The following ERBB4 variants were observed in gnomAD, a reference collection of about 807,000 sequenced individuals.
ERBB4 encodes receptor tyrosine-protein kinase erbB-4.
Under a neutral mutation model 158.0 loss-of-function variants are expected in ERBB4, and 42 were observed. That is an observed-to-expected ratio of 0.27 (90% CI 0.21 to 0.34). The LOEUF (loss-of-function observed/expected upper bound fraction) is 0.34. Ranked by LOEUF, ERBB4 falls within the 10% of genes least tolerant of loss-of-function variation. ERBB4 has a pLI of 1.00. For missense variants in ERBB4, 1,333 were observed against 1,624.1 expected (o/e 0.82, Z 3.08); for synonymous variants, 583 against 558.7 (o/e 1.04, Z -0.61).
intron 2 of ERBB4, among the ~76,000 whole-genome samples, chr2:212,085,141 C>T (rs1205701867): frequency 1.3e-5 from 2 of 151,848 alleles, no homozygotes; most frequent in Non-Finnish European, 2.9e-5. Flanking sequence ...AATGTGCATG[C>T]CCTCTTGGTG....
At chr2:212,435,074 T>C (rs535970041) in intron 1 of ERBB4, among the ~76,000 whole-genome samples, 1 of 151,988 alleles carries the variant, frequency 6.6e-6, no homozygotes, top group African/African-American at 2.4e-5. Context: ...AAAGAAACAA[T>C]TTCATTTCTA....
intron 1 of ERBB4, among the ~76,000 whole-genome samples, chr2:212,183,868 A>G (rs909962605): frequency 6.6e-6 from 1 of 152,128 alleles, no homozygotes; most frequent in Non-Finnish European, 1.5e-5. Context: ...ATTTTTCCAA[A>G]GATATTTTTA....
chr2:211,459,890 T>C (rs562635117), intron 20 of ERBB4, among the ~76,000 whole-genome samples: 1 of 152,236 alleles, frequency 6.6e-6, no homozygotes, highest in East Asian at 1.9e-4. Context: ...ATAATAAATA[T>C]ATACACACAT....
intron 20 of ERBB4, among the ~76,000 whole-genome samples, chr2:211,522,170 A>G (rs1365660712): frequency 6.6e-6 from 1 of 152,186 alleles, no homozygotes. Flanking sequence ...TCTTCTGAAA[A>G]GGATTCACCA....
chr2:212,211,243 C>T (rs952710930), intron 1 of ERBB4, among the ~76,000 whole-genome samples: 3 of 152,088 alleles, frequency 2.0e-5, no homozygotes, highest in African/African-American at 7.2e-5. Flanking sequence ...TACCTGACTT[C>T]CACTCATCCC....
At chr2:211,815,101 T>G (rs1207500144) in intron 3 of ERBB4, among the ~76,000 whole-genome samples, 7 of 152,116 alleles carry the variant, frequency 4.6e-5, no homozygotes, top group African/African-American at 1.7e-4. Flanking sequence ...ACTTATAAAA[T>G]TTCTATAAGA....
intron 1 of ERBB4, among the ~76,000 whole-genome samples, chr2:212,316,695 T>C (rs773233817): frequency 6.6e-6 from 1 of 151,438 alleles, no homozygotes. Flanking sequence ...GAGAGACTAG[T>C]AGCTGAGCAA....
At chr2:212,052,432 C>G (rs1057040476) in intron 2 of ERBB4, among the ~76,000 whole-genome samples, 4 of 152,154 alleles carry the variant, frequency 2.6e-5, no homozygotes, top group African/African-American at 9.7e-5. Context: ...TGAGTCAATA[C>G]TCCTTAATAA....
intron 1 of ERBB4, among the ~76,000 whole-genome samples, chr2:212,222,233 A>G (rs900197576): frequency 2.0e-5 from 3 of 151,532 alleles, no homozygotes; most frequent in African/African-American, 7.3e-5. Context: ...TTATCAGGAA[A>G]TTCACAACCA....
chr2:212,382,769 C>T (rs539384042), intron 1 of ERBB4, among the ~76,000 whole-genome samples: 2 of 151,356 alleles, frequency 1.3e-5, no homozygotes, highest in African/African-American at 4.8e-5. Flanking sequence ...AAAATAGTAT[C>T]TCACATTAAT....
chr2:212,039,060 A>G lies in ERBB4; in HGVS notation c.234+85692T>C, dbSNP rs187960237. Among the ~76,000 whole-genome samples, 1,273 of 152,194 alleles carry G rather than the reference A, an allele frequency of 8.4e-3. 14 individuals are homozygous for G. The highest frequency in any genetic ancestry group is 0.031 in the Middle Eastern group (9 of 294). On this transcript the variant is annotated intron_variant, in intron 2 of 27. Transcript: ENST00000342788. ...TTCTTAACCTTGATTCTATCTCCCA[A>G]TGAAATAAAAATTTATTTTCTCATT...
intron 1 of ERBB4, among the ~76,000 whole-genome samples, chr2:212,178,599 G>A (rs1418799563): frequency 6.6e-6 from 1 of 151,528 alleles, no homozygotes; most frequent in Non-Finnish European, 1.5e-5. Context: ...ATATCCCTAA[G>A]CTTCATGGGT....
At chr2:212,436,281 C>T (rs1241040822) in intron 1 of ERBB4, among the ~76,000 whole-genome samples, 1 of 151,834 alleles carries the variant, frequency 6.6e-6, no homozygotes, top group Non-Finnish European at 1.5e-5. Context: ...AAGTTTATAT[C>T]CGCTATAGAT....
At chr2:211,546,361 A>G (rs113279524) in intron 20 of ERBB4, among the ~76,000 whole-genome samples, 11 of 152,266 alleles carry the variant, frequency 7.2e-5, no homozygotes, top group African/African-American at 2.6e-4. Context: ...ATATACACAC[A>G]TATAGTATAT....
chr2:211,758,381 G>T (rs1484265902), intron 4 of ERBB4, among the ~76,000 whole-genome samples: 1 of 152,024 alleles, frequency 6.6e-6, no homozygotes, highest in East Asian at 1.9e-4. Context: ...ATAACAAAAT[G>T]TCTCAAAATA....
intron 2 of ERBB4, among the ~76,000 whole-genome samples, chr2:211,967,973 A>T (rs898383277): frequency 4.6e-5 from 7 of 151,990 alleles, no homozygotes; most frequent in Non-Finnish European, 8.8e-5. Context: ...CTAGCAAAGT[A>T]TCAAACAATT....
chr2:212,380,847 A>G (rs1285374646), intron 1 of ERBB4, among the ~76,000 whole-genome samples: 1 of 151,214 alleles, frequency 6.6e-6, no homozygotes, highest in Non-Finnish European at 1.5e-5. Flanking sequence ...TATTGTATTT[A>G]CTTAAAGTTT....
At chr2:211,784,227 C>T (rs2076104093) in intron 4 of ERBB4, among the ~76,000 whole-genome samples, 1 of 152,236 alleles carries the variant, frequency 6.6e-6, no homozygotes. Context: ...GCAATTGCAA[C>T]TTGACTCGTT....
chr2:212,028,088 T>C (rs547002336), intron 2 of ERBB4, among the ~76,000 whole-genome samples: 6 of 152,230 alleles, frequency 3.9e-5, no homozygotes, highest in African/African-American at 1.4e-4. Flanking sequence ...CTCTGGAATT[T>C]GTGAATGCCA....
Sources: allele counts gnomAD v4.1 joint callset (sites outside exome capture counted in the v4.1 genomes callset), GRCh38; gene constraint gnomAD v4.1.1; transcripts MANE v1.5; gene names NCBI Gene and HGNC (gene_info 2026-07-23, HGNC 2026-07-21).